The following ATP7A variants were observed in gnomAD, a reference collection of about 807,000 sequenced individuals.
The protein encoded by ATP7A is copper-transporting ATPase 1.
In ATP7A, 7 loss-of-function variants were observed where a neutral mutation model predicts 83.5. The ratio of observed to expected loss-of-function variants is 0.08; its 90% CI spans 0.05 to 0.16. The LOEUF (loss-of-function observed/expected upper bound fraction) is 0.16. ATP7A is among the 10% of genes least tolerant of loss of function. The pLI is 1.00. For missense variants in ATP7A, 940 were observed against 1,120.8 expected (o/e 0.84, Z 2.30); for synonymous variants, 354 against 395.2 (o/e 0.90, Z 1.24).
chrX:77,964,547 T>G (rs782677725), intron 1 of ATP7A: 1 of 110,892 alleles, frequency 9.0e-6, no homozygotes. Context: ...TAGGTATTTC[T>G]CCTAATGTTA....
chrX:77,959,039 C>G (rs1557227731), intron 1 of ATP7A, among the ~76,000 whole-genome samples: 44 of 110,999 alleles, frequency 4.0e-4, no homozygotes, highest in African/African-American at 1.4e-3. Context: ...CTGCTCCCCT[C>G]AGCCTCCCAA....
At chrX:78,009,337 C>T (rs2077801009) in intron 7 of ATP7A, 74 bp downstream of exon 7, 1 of 1,076,967 alleles carries the variant, frequency 9.3e-7, no homozygotes, top group Non-Finnish European at 1.3e-6. Context: ...TTCTGGTTTG[C>T]ATCAGATAGA....
intron 1 of ATP7A, among the ~76,000 whole-genome samples, chrX:77,943,616 T>C (rs1157710183): frequency 8.9e-6 from 1 of 111,873 alleles, no homozygotes; most frequent in Non-Finnish European, 1.9e-5. Context: ...AAATAAAAAA[T>C]ACATGCTTGT....
intron 1 of ATP7A, chrX:77,968,910 T>C (rs782637731): frequency 8.3e-7 from 1 of 1,210,578 alleles, no homozygotes; most frequent in Admixed American, 2.2e-5. Context: ...CCACAGCTTC[T>C]ATGGCTTTGC....
chrX:78,000,322 A>G lies in ATP7A; in HGVS notation c.1543+1638A>G, dbSNP rs1057031578. On this transcript the variant is annotated intron_variant, in intron 5 of 22. Coordinates refer to ENST00000341514, the MANE Select transcript of ATP7A (RefSeq NM_000052.7). ...GAGGTTGCCAAGCAAATGAAAATGA[A>G]AAGAAGCATTCAAGGTTTCTATTTA... Among the ~76,000 whole-genome samples, 5 of 111,285 alleles carry G rather than the reference A, an allele frequency of 4.5e-5. No individual in the cohort carries two copies. The Admixed American group carries it at 4.9e-4, about 11-fold the overall frequency.
intron 6 of ATP7A, among the ~76,000 whole-genome samples, chrX:78,003,871 G>A (rs1425923119): frequency 5.4e-5 from 6 of 111,177 alleles, no homozygotes; most frequent in Non-Finnish European, 9.4e-5. Context: ...AAACCCAGGC[G>A]GCGGAGGTTG....
In ATP7A at chrX:77,989,208, AATTAT is replaced by A. The variant is rs1350377636; in HGVS notation, c.611-21_611-17del. 3.0e-5 allele frequency: 36 copies of A among 1,185,850 alleles called. No individual in the cohort carries two copies. Among genetic ancestry groups the A allele is most frequent in the Non-Finnish European group, 3.5e-5 (31 of 879,189 alleles). On this transcript the variant is annotated intron_variant, in intron 3 of 22. Coordinates refer to ENST00000341514, the MANE Select transcript of ATP7A (RefSeq NM_000052.7). ...GAAGTAGCCCAGGAATAACTGAATTAATTATATTTCTTTTTATTAACTAGTCTCCC... is the reference window on the plus strand; with the variant it reads ...GAAGTAGCCCAGGAATAACTGAATTAATTTCTTTTTATTAACTAGTCTCCC...
intron 12 of ATP7A, among the ~76,000 whole-genome samples, chrX:78,018,780 T>C (rs1301836280): frequency 8.9e-6 from 1 of 112,276 alleles, no homozygotes; most frequent in Non-Finnish European, 1.9e-5. Flanking sequence ...GAGATTTAAT[T>C]GATTCACAGT....
intron 1 of ATP7A, among the ~76,000 whole-genome samples, chrX:77,931,009 C>CCT (rs2149046825): frequency 3.0e-5 from 2 of 67,255 alleles, no homozygotes; most frequent in African/African-American, 6.0e-5. Flanking sequence ...TTTTTTTTAC[C>CCT]TTTTTTTTTA....
Position 78,012,821 on chromosome X carries a change from T to G in ATP7A, c.2173-58T>G, listed in dbSNP as rs1180086513. The G allele has an allele frequency of 5.1e-6, 5 of 974,313 alleles. No homozygotes were observed. In the African/African-American group the frequency reaches 9.5e-5, roughly 19 times the overall value. 80.3% of individuals were successfully genotyped at this position (974,313 alleles called of 1,213,427 possible). ...CTATTGATACTTTAAGTTATTGAGA[T>G]ATATATGTGAATTTCAGCATTTTTT... is the stretch of plus-strand genomic sequence containing the variant. On this transcript the variant is annotated intron_variant, in intron 9 of 22. Transcript: ENST00000341514.
chrX:78,043,413 G>T lies in ATP7A; in HGVS notation c.4102G>T (p.Val1368Phe), dbSNP rs782483019. The T allele has an allele frequency of 8.3e-7, 1 of 1,206,433 alleles. No individual in the cohort carries two copies. Among genetic ancestry groups the T allele is most frequent in the Non-Finnish European group, 1.1e-6 (1 of 891,089 alleles). Residue 1368 changes from valine (V) to phenylalanine (F), a missense_variant, in exon 21 of 23, where the codon GTT (valine) becomes TTT (phenylalanine). By Grantham distance (50) the Val-to-Phe change is conservative. Around this residue, in one of 3 missense-constraint regions of ATP7A, gnomAD observed 386 missense variants for 502.2 expected, o/e 0.77. Coordinates refer to ENST00000341514, the MANE Select transcript of ATP7A (RefSeq NM_000052.7). ...TGTCTTTGCTCTAATTTATAATCTGGTTGGAATTCCCATAGCTGCTGGTAT... is the reference window on the plus strand; with the variant it reads ...TGTCTTTGCTCTAATTTATAATCTGTTTGGAATTCCCATAGCTGCTGGTAT... ...NFVFALIYNL[V>F]GIPIAAGVFM... is the part of the protein sequence containing the mutation.
chrX:78,014,616 A>G, intron 10 of ATP7A, 46 bp from the exon 11 acceptor site: 1 of 1,032,735 alleles, frequency 9.7e-7, no homozygotes. Flanking sequence ...TAAGACCTGA[A>G]CTTTTTCTTC....
chrX:78,008,457 T>A (rs2077792603), intron 6 of ATP7A, among the ~76,000 whole-genome samples: 1 of 110,972 alleles, frequency 9.0e-6, no homozygotes, highest in African/African-American at 3.3e-5. Flanking sequence ...ACATACAAAG[T>A]CAAAACACTT....
chrX:77,931,235 C>T (rs917646933), intron 1 of ATP7A, among the ~76,000 whole-genome samples: 18 of 108,776 alleles, frequency 1.7e-4, no homozygotes, highest in Non-Finnish European at 3.2e-4. Flanking sequence ...ATGCTGCCTT[C>T]AAGCATCTGT....
intron 21 of ATP7A, 130 bp downstream of exon 21, chrX:78,043,564 T>C: frequency 1.9e-6 from 1 of 526,521 alleles, no homozygotes. Context: ...TGGTGAGAGG[T>C]AATGTTAAAA....
At chrX:78,033,860 T>A in intron 17 of ATP7A, 39 bp downstream of exon 17, 1 of 1,135,116 alleles carries the variant, frequency 8.8e-7, no homozygotes, top group African/African-American at 1.8e-5. Flanking sequence ...TATGGGGCAG[T>A]TATGAACAGA....
intron 1 of ATP7A, chrX:77,966,837 G>A (rs188854954): frequency 1.5e-4 from 48 of 327,877 alleles, no homozygotes; most frequent in South Asian, 1.2e-3. Context: ...GGTTTGTTAC[G>A]TAGGTACATG....
At chrX:77,989,171 A>G (rs1200095165) in intron 3 of ATP7A, 62 bp from the exon 4 acceptor site, 1 of 1,079,343 alleles carries the variant, frequency 9.3e-7, no homozygotes, top group African/African-American at 1.9e-5. Flanking sequence ...TTTAGAAAAC[A>G]GAATGTTTTC....
intron 21 of ATP7A, among the ~76,000 whole-genome samples, chrX:78,044,111 G>A (rs1383725291): frequency 5.6e-5 from 6 of 107,923 alleles, no homozygotes; most frequent in Non-Finnish European, 9.6e-5. Flanking sequence ...AAAATTAGCC[G>A]GGCGTGGTGG....
Sources: gnomAD v4.1 joint callset for allele counts (sites outside exome capture counted in the v4.1 genomes callset) on GRCh38, gnomAD v4.1.1 for gene constraint, gnomAD v4.1.1 regional missense constraint, MANE v1.5 for transcripts, NCBI Gene and HGNC (gene_info 2026-07-23, HGNC 2026-07-21) for gene names.